TBC1D5: variants seen among roughly 807,000 people sequenced by gnomAD.
TBC1D5 encodes TBC1 domain family, member 5.
TBC1D5 carries 75 observed loss-of-function variants against 100.3 expected under a neutral mutation model. The observed-to-expected ratio is 0.75, with a 90% CI of 0.62 to 0.91. The LOEUF is 0.91. TBC1D5 is among the 40% of genes least tolerant of loss of function. TBC1D5 has a pLI of 0.00. For missense variants in TBC1D5, 910 were observed against 942.4 expected (o/e 0.97, Z 0.45); for synonymous variants, 323 against 325.6 (o/e 0.99, Z 0.09).
chr3:17,278,765 T>C (rs1575100844), intron 15 of TBC1D5, among the ~76,000 whole-genome samples: 1 of 152,372 alleles, frequency 6.6e-6, no homozygotes, highest in Non-Finnish European at 1.5e-5. Context: ...AAAATCTGGC[T>C]AATAAAATTT....
At position 17,537,839 on chromosome 3, in the gene TBC1D5, C is replaced by T. The variant is rs546074404; in HGVS notation, c.-35-29234G>A. Among the ~76,000 whole-genome samples the T allele has an allele frequency of 2.6e-5, 4 of 152,220 alleles. No homozygotes were observed. In the South Asian group the frequency reaches 8.3e-4, roughly 32 times the overall value. On this transcript the variant is annotated intron_variant, in intron 2 of 21. Coordinates refer to ENST00000253692, the Ensembl canonical transcript of TBC1D5. Reference sequence around the variant, plus strand: ...AACACTTGGTTTGCTTCTGTAAACCCAAAAGTATCTGAGACAAGTCTCGTT... The same window carrying T: ...AACACTTGGTTTGCTTCTGTAAACCTAAAAGTATCTGAGACAAGTCTCGTT...
intron 3 of TBC1D5, among the ~76,000 whole-genome samples, chr3:17,484,341 A>C (rs2095534075): frequency 6.6e-6 from 1 of 152,172 alleles, no homozygotes; most frequent in Non-Finnish European, 1.5e-5. Flanking sequence ...TTCAGAAACA[A>C]ATTAATCAGA....
chr3:17,426,453 C>T (rs557448739), intron 4 of TBC1D5, among the ~76,000 whole-genome samples: 79 of 152,148 alleles, frequency 5.2e-4, no homozygotes, highest in South Asian at 2.3e-3. Context: ...TTAACAACAG[C>T]ACTGGCCTGC....
chr3:17,487,710 G>A (rs1421760001), intron 3 of TBC1D5, among the ~76,000 whole-genome samples: 1 of 152,118 alleles, frequency 6.6e-6, no homozygotes, highest in African/African-American at 2.4e-5. Context: ...CTAAGCATGT[G>A]TTTGTATTAA....
intron 1 of TBC1D5, among the ~76,000 whole-genome samples, chr3:17,659,027 G>C (rs982833212): frequency 1.3e-5 from 2 of 152,138 alleles, no homozygotes; most frequent in African/African-American, 4.8e-5. Flanking sequence ...GACAGAGCAA[G>C]ATTCAGATTC....
intron 14 of TBC1D5, among the ~76,000 whole-genome samples, chr3:17,303,506 T>C (rs543648855): frequency 1.3e-5 from 2 of 152,226 alleles, no homozygotes; most frequent in Non-Finnish European, 2.9e-5. Flanking sequence ...CTTGGTGAAG[T>C]GTCCATGGAG....
intron 3 of TBC1D5, among the ~76,000 whole-genome samples, chr3:17,493,558 C>T (rs926010690): frequency 2.6e-5 from 4 of 152,250 alleles, no homozygotes; most frequent in African/African-American, 7.2e-5. Flanking sequence ...CTTTCAGGTA[C>T]CCCAGTCAGT....
At chr3:17,461,049 G>A (rs2095198080) in intron 3 of TBC1D5, among the ~76,000 whole-genome samples, 1 of 152,094 alleles carries the variant, frequency 6.6e-6, no homozygotes, top group African/African-American at 2.4e-5. Context: ...TGCAAATCAG[G>A]TAACTATTTA....
At chr3:17,292,000 C>G (rs760941579) in exon 15 of TBC1D5, 2 of 1,611,320 alleles carry the variant, frequency 1.2e-6, no homozygotes, top group Admixed American at 3.3e-5. Context: ...TACTAGAGAT[C>G]ACTAAATAAG....
At chr3:17,722,115 C>G (rs747289968) in intron 1 of TBC1D5, among the ~76,000 whole-genome samples, 1 of 152,142 alleles carries the variant, frequency 6.6e-6, no homozygotes. Flanking sequence ...CTGATATTTT[C>G]TTGCCTTCAA....
intron 1 of TBC1D5, among the ~76,000 whole-genome samples, chr3:17,721,380 A>T (rs1243323736): frequency 1.3e-5 from 2 of 152,134 alleles, no homozygotes; most frequent in African/African-American, 2.4e-5. Flanking sequence ...AATTAATATT[A>T]AAAAATTCAG....
At chr3:17,430,574 C>G (rs574270286) in intron 3 of TBC1D5, among the ~76,000 whole-genome samples, 1 of 151,752 alleles carries the variant, frequency 6.6e-6, no homozygotes, top group South Asian at 2.1e-4. Flanking sequence ...ACAATTGTTT[C>G]ACTAACAATA....
chr3:17,444,113 T>G (rs1347754258), intron 3 of TBC1D5, among the ~76,000 whole-genome samples: 1 of 152,142 alleles, frequency 6.6e-6, no homozygotes, highest in Non-Finnish European at 1.5e-5. Context: ...TAAAAACTAA[T>G]TTAACCCACT....
chr3:17,623,457 A>G (rs184241691), intron 2 of TBC1D5, among the ~76,000 whole-genome samples: 3 of 152,352 alleles, frequency 2.0e-5, no homozygotes, highest in African/African-American at 7.2e-5. Context: ...AACTGAAGAT[A>G]CACTTAAATC....
chr3:17,733,151 C>T (rs934635750), intron 1 of TBC1D5, among the ~76,000 whole-genome samples: 1 of 152,084 alleles, frequency 6.6e-6, no homozygotes, highest in East Asian at 1.9e-4. Flanking sequence ...AGAAAGGGGG[C>T]CAGAGAAAGA....
At chr3:17,658,532 G>A (rs533083072) in intron 1 of TBC1D5, among the ~76,000 whole-genome samples, 1 of 152,134 alleles carries the variant, frequency 6.6e-6, no homozygotes, top group Non-Finnish European at 1.5e-5. Flanking sequence ...GAAAAGTAAA[G>A]AGAAGAAAAA....
chr3:17,521,240 C>A (rs1387063768), intron 2 of TBC1D5, among the ~76,000 whole-genome samples: 1 of 152,120 alleles, frequency 6.6e-6, no homozygotes, highest in Non-Finnish European at 1.5e-5. Flanking sequence ...TTGAACTGCA[C>A]CGGTCCATGT....
exon 15 of TBC1D5, chr3:17,291,909 G>A (rs2081788151): frequency 1.2e-6 from 2 of 1,613,470 alleles, no homozygotes. Context: ...GGATCTCTAA[G>A]GAACAGAGCC....
chr3:17,730,376 G>T (rs1381451025), intron 1 of TBC1D5, among the ~76,000 whole-genome samples: 2 of 152,192 alleles, frequency 1.3e-5, no homozygotes, highest in Non-Finnish European at 2.9e-5. Context: ...TCCTAGCCTA[G>T]CCTTTAAGGG....
Sources: gnomAD v4.1 joint callset for allele counts (sites outside exome capture counted in the v4.1 genomes callset) on GRCh38, gnomAD v4.1.1 for gene constraint, MANE v1.5 for transcripts, NCBI Gene and HGNC (gene_info 2026-07-23, HGNC 2026-07-21) for gene names.